The following RBFOX1 variants were observed in gnomAD, a reference collection of about 807,000 sequenced individuals.
RBFOX1 encodes the protein RNA binding protein fox-1 homolog 1.
In RBFOX1, 8 loss-of-function variants were observed where a neutral mutation model predicts 57.7. That is an observed-to-expected ratio of 0.14 (90% CI 0.08 to 0.25). RBFOX1 has a LOEUF of 0.25. Among genes scored for constraint, RBFOX1 ranks in the 10% least tolerant of loss-of-function variants. The probability of loss-of-function intolerance (pLI) is 1.00; values close to 1 mark genes in which losing one functional copy is unlikely to be tolerated. For synonymous variants in RBFOX1, 326 were observed against 222.4 expected, an observed-to-expected ratio of 1.47 and a Z score of -4.15; for missense variants, 611 against 548.5, an observed-to-expected ratio of 1.11 and a Z score of -1.14.
chr16:6,269,977 A>T lies in RBFOX1; in HGVS notation c.-126-47018A>T, dbSNP rs1003396516. On this transcript the variant is annotated intron_variant, in intron 1 of 15. Coordinates refer to ENST00000550418, the MANE Select transcript of RBFOX1 (RefSeq NM_018723.4). ...GGAAGGGAACATAAAGGGAGTTAAG[A>T]TTTCCACACTTCATTCAAACTGGTG... Among the ~76,000 whole-genome samples the T allele has an allele frequency of 2.0e-5, 3 of 152,294 alleles. No homozygotes were observed. The South Asian group carries it at 6.2e-4, about 32-fold the overall frequency.
At chr16:5,955,570 T>C (rs924177214) in intron 4 of RBFOX1, among the ~76,000 whole-genome samples, 1 of 152,080 alleles carries the variant, frequency 6.6e-6, no homozygotes, top group Non-Finnish European at 1.5e-5. Context: ...ATGGTAAATA[T>C]TGTTGAAATA....
chr16:6,233,450 G>A (rs968597998), intron 1 of RBFOX1, among the ~76,000 whole-genome samples: 2 of 152,114 alleles, frequency 1.3e-5, no homozygotes, highest in East Asian at 1.9e-4. Context: ...CAAACAGCCT[G>A]ATTATATTAC....
At chr16:7,533,262 C>G (rs535540600) in intron 5 of RBFOX1, among the ~76,000 whole-genome samples, 100 of 152,278 alleles carry the variant, frequency 6.6e-4, no homozygotes, top group Admixed American at 2.2e-3. Flanking sequence ...TTCTTTCCAT[C>G]AAACTGGACT....
intron 1 of RBFOX1, among the ~76,000 whole-genome samples, chr16:6,316,633 G>A (rs182862021): frequency 7.9e-5 from 12 of 152,282 alleles, no homozygotes; most frequent in Admixed American, 7.8e-4. Context: ...AACTCATGGT[G>A]TAAGAGAAGA....
chr16:6,467,117 G>A (rs891570349), intron 2 of RBFOX1, among the ~76,000 whole-genome samples: 2 of 150,432 alleles, frequency 1.3e-5, no homozygotes, highest in South Asian at 4.2e-4. Context: ...CTTAATATAT[G>A]AATTACAGTT....
At chr16:5,274,904 T>C (rs1253808111) in intron 1 of RBFOX1, among the ~76,000 whole-genome samples, 1 of 152,238 alleles carries the variant, frequency 6.6e-6, no homozygotes, top group Non-Finnish European at 1.5e-5. Flanking sequence ...CATTAACTTC[T>C]ATTCTGCAGC....
At chr16:7,244,906 C>G (rs1364052884) in intron 4 of RBFOX1, among the ~76,000 whole-genome samples, 1 of 152,172 alleles carries the variant, frequency 6.6e-6, no homozygotes, top group Non-Finnish European at 1.5e-5. Context: ...CCAAGTGAAG[C>G]TAATTGGTAA....
intron 2 of RBFOX1, among the ~76,000 whole-genome samples, chr16:6,593,467 C>T (rs565057712): frequency 1.3e-5 from 2 of 152,218 alleles, no homozygotes; most frequent in African/African-American, 4.8e-5. Flanking sequence ...TTTTTGATGA[C>T]ATTTGCCAGT....
intron 3 of RBFOX1, among the ~76,000 whole-genome samples, chr16:6,931,895 G>A (rs950914274): frequency 6.6e-6 from 1 of 152,160 alleles, no homozygotes; most frequent in Admixed American, 6.5e-5. Flanking sequence ...CATGGCAAGA[G>A]CGCATGTGAG....
chr16:5,591,823 C>T lies in RBFOX1; in HGVS notation c.259-7079C>T, dbSNP rs865977903. On this transcript the variant is annotated intron_variant, in intron 2 of 2. Transcript: ENST00000585867. Reference sequence around the variant, plus strand: ...TATTTTGTAATTACAAAAAGGCTTCCATGAATATCCTTGGCACAAGTCATG... The same window carrying T: ...TATTTTGTAATTACAAAAAGGCTTCTATGAATATCCTTGGCACAAGTCATG... Among the ~76,000 whole-genome samples the T allele has an allele frequency of 7.2e-5, 11 of 152,260 alleles. No individual in the cohort carries two copies. In the East Asian group the frequency reaches 2.1e-3, roughly 29 times the overall value.
intron 4 of RBFOX1, among the ~76,000 whole-genome samples, chr16:6,011,747 G>A (rs1398711916): frequency 1.3e-5 from 2 of 152,182 alleles, no homozygotes; most frequent in East Asian, 1.9e-4. Flanking sequence ...AGCAAAGCTG[G>A]TGACCACTTT....
chr16:7,061,241 T>C (rs1057287023), intron 4 of RBFOX1, among the ~76,000 whole-genome samples: 1 of 152,198 alleles, frequency 6.6e-6, no homozygotes, highest in Non-Finnish European at 1.5e-5. Flanking sequence ...AAGAAACTCA[T>C]AAGTACATTT....
chr16:6,179,246 A>G (rs867789142), intron 1 of RBFOX1, among the ~76,000 whole-genome samples: 10 of 152,160 alleles, frequency 6.6e-5, no homozygotes, highest in Non-Finnish European at 2.9e-5. Context: ...CGAGGGTCCC[A>G]GGCTCTGTGA....
chr16:5,773,939 G>A (rs2054061483), intron 3 of RBFOX1, among the ~76,000 whole-genome samples: 1 of 152,096 alleles, frequency 6.6e-6, no homozygotes, highest in East Asian at 1.9e-4. Flanking sequence ...TGATCTGCCT[G>A]CCTCAGCCTC....
At chr16:6,842,885 T>G (rs139073727) in intron 3 of RBFOX1, among the ~76,000 whole-genome samples, 3,007 of 152,220 alleles carry the variant, frequency 0.02, 92 homozygotes, top group African/African-American at 0.068. Context: ...TGTGTTCTCA[T>G]TGTTCAACTC....
At chr16:5,385,015 A>C (rs188948314) in intron 1 of RBFOX1, among the ~76,000 whole-genome samples, 50 of 152,326 alleles carry the variant, frequency 3.3e-4, no homozygotes, top group African/African-American at 1.2e-3. Flanking sequence ...GAGGAAAACC[A>C]CTTTCATAGG....
intron 3 of RBFOX1, among the ~76,000 whole-genome samples, chr16:6,946,951 G>A (rs915951144): frequency 2.6e-5 from 4 of 152,118 alleles, no homozygotes; most frequent in Admixed American, 6.6e-5. Context: ...ATGTTTGGGA[G>A]CCATTTGAAT....
At position 5,856,333 on chromosome 16, in the gene RBFOX1, T is replaced by C. The variant is rs898663202; in HGVS notation, c.319-10970T>C. Among the ~76,000 whole-genome samples the C allele has an allele frequency of 7.6e-4, 21 of 27,508 alleles. 1 individual carries two copies. The highest frequency in any genetic ancestry group is 2.7e-4 in the Non-Finnish European group (3 of 11,014). 18.0% of individuals were successfully genotyped at this position (27,508 alleles called of 152,430 possible). A position where few individuals can be genotyped will look rare whatever the true frequency, so the allele number is the denominator to read the frequency against. On this transcript the variant is annotated intron_variant, in intron 3 of 19. Coordinates refer to the RBFOX1 transcript ENST00000641259. ...CACATATATATAGGGAAAACTGTTA[T>C]ATTATATATATATATATATAATGTT... is the stretch of plus-strand genomic sequence containing the variant.
At chr16:6,877,027 T>G (rs189835607) in intron 3 of RBFOX1, among the ~76,000 whole-genome samples, 165 of 152,316 alleles carry the variant, frequency 1.1e-3, no homozygotes, top group African/African-American at 3.8e-3. Flanking sequence ...CTGCTATTGT[T>G]TCTTATTAAA....
Sources: allele counts gnomAD v4.1 joint callset (sites outside exome capture counted in the v4.1 genomes callset), GRCh38; gene constraint gnomAD v4.1.1; transcripts MANE v1.5; gene names NCBI Gene and HGNC (gene_info 2026-07-23, HGNC 2026-07-21).